EXT2: variants seen among roughly 807,000 people sequenced by gnomAD.
EXT2 encodes exostosin glycosyltransferase 2.
EXT2 carries 53 observed loss-of-function variants against 81.6 expected under a neutral mutation model. The observed-to-expected ratio is 0.65, with a 90% CI of 0.52 to 0.82. EXT2 has a LOEUF of 0.82. EXT2 is among the 40% of genes least tolerant of loss of function. The pLI is 0.00. For synonymous variants in EXT2, 320 were observed against 340.0 expected (o/e 0.94, Z 0.65); for missense variants, 774 against 910.2 (o/e 0.85, Z 1.93).
intron 7 of EXT2, among the ~76,000 whole-genome samples, chr11:44,151,767 G>A (rs181547622): frequency 1.2e-4 from 18 of 152,256 alleles, no homozygotes; most frequent in Admixed American, 5.2e-4. Flanking sequence ...GCAAGAATAC[G>A]TTTAGTTTTG....
In EXT2 at chr11:44,220,279, G is replaced by T. The variant is rs375518029; in HGVS notation, c.1663-12074G>T. ...AAACCATAATTTTTTTAGGCCTGTT[G>T]TGTACCCTGTTCTTTAAGTTGATGG... is the stretch of plus-strand genomic sequence containing the variant. On this transcript the variant is annotated intron_variant, in intron 10 of 13. Coordinates refer to ENST00000533608, the MANE Select transcript of EXT2 (RefSeq NM_207122.2). This position sits in a 1 kb window ranked among gnomAD's most constrained non-coding sequence, Gnocchi z 4.4. Among the ~76,000 whole-genome samples the T allele has an allele frequency of 4.6e-5, 7 of 152,208 alleles. No individual in the cohort carries two copies. The East Asian group carries it at 7.7e-4, about 17-fold the overall frequency.
At chr11:44,127,979 G>T (rs1401185446) in intron 6 of EXT2, among the ~76,000 whole-genome samples, 1 of 152,212 alleles carries the variant, frequency 6.6e-6, no homozygotes, top group Non-Finnish European at 1.5e-5. Flanking sequence ...AGATTTTGCA[G>T]GGTGAAGGTT....
chr11:44,187,449 T>C (rs10769021), intron 8 of EXT2, among the ~76,000 whole-genome samples: 139,062 of 152,066 alleles, frequency 0.91, 63,681 homozygotes, highest in East Asian at 0.99. Flanking sequence ...CCTCCCACCC[T>C]GGCAAGTTTC....
chr11:44,207,430 T>C (rs1362255617), intron 10 of EXT2, among the ~76,000 whole-genome samples: 1 of 152,182 alleles, frequency 6.6e-6, no homozygotes, highest in Non-Finnish European at 1.5e-5. Flanking sequence ...AAACATTCCC[T>C]ATCACCGTTT....
chr11:44,168,067 C>T (rs1322951579), intron 7 of EXT2, among the ~76,000 whole-genome samples: 2 of 149,810 alleles, frequency 1.3e-5, no homozygotes, highest in African/African-American at 4.9e-5. Context: ...TGAGAATATG[C>T]GGTGTTTGGT....
At chr11:44,167,108 A>G (rs1352800935) in intron 7 of EXT2, among the ~76,000 whole-genome samples, 3 of 152,180 alleles carry the variant, frequency 2.0e-5, no homozygotes, top group Admixed American at 6.5e-5. Flanking sequence ...ATCCAAGAGT[A>G]TGGGGTCCCA....
chr11:44,200,974 TG>T (rs1246790103), intron 9 of EXT2, among the ~76,000 whole-genome samples: 6 of 152,222 alleles, frequency 3.9e-5, no homozygotes, highest in Admixed American at 3.9e-4. Flanking sequence ...TCCTTTGAGC[TG>T]GACTAAAGCT....
At chr11:44,111,920 A>G (rs889973561) in intron 3 of EXT2, among the ~76,000 whole-genome samples, 2 of 152,240 alleles carry the variant, frequency 1.3e-5, no homozygotes, top group African/African-American at 2.4e-5. Context: ...TAATTTTTCC[A>G]TATCACCAAA....
At position 44,181,789 on chromosome 11, in the gene EXT2, A is replaced by G. The variant is rs117056122; in HGVS notation, c.1305+10047A>G. ...TTTGGTTTCTTTGAATTCCTTTTTC[A>G]GTTTTTGTTTGCTATTTTTCTTATT... On this transcript the variant is annotated intron_variant, in intron 8 of 13. Transcript: ENST00000533608. Among the ~76,000 whole-genome samples the G allele has an allele frequency of 4.8e-3, 719 of 151,352 alleles. 5 individuals carry two copies. Among genetic ancestry groups the G allele is most frequent in the East Asian group, 0.031 (159 of 5,132 alleles).
intron 1 of EXT2, among the ~76,000 whole-genome samples, chr11:44,100,018 G>A (rs913638191): frequency 2.0e-5 from 3 of 152,154 alleles, no homozygotes; most frequent in African/African-American, 7.2e-5. Context: ...CAGCCAGTGC[G>A]GGGTGGGCTT....
intron 5 of EXT2, 142 bp from the exon 6 acceptor site, chr11:44,126,674 G>A (rs1483809360): frequency 3.2e-6 from 3 of 940,670 alleles, no homozygotes; most frequent in African/African-American, 1.6e-5. Flanking sequence ...GGTGTGAGCT[G>A]TTGTCTTTTG....
intron 7 of EXT2, among the ~76,000 whole-genome samples, chr11:44,132,390 G>T (rs776833255): frequency 1.3e-5 from 2 of 152,208 alleles, no homozygotes; most frequent in African/African-American, 4.8e-5. Context: ...TTAAAACAGC[G>T]TACTTTTGGG....
At chr11:44,184,826 C>G (rs1326823610) in intron 8 of EXT2, among the ~76,000 whole-genome samples, 1 of 152,272 alleles carries the variant, frequency 6.6e-6, no homozygotes, top group African/African-American at 2.4e-5. Context: ...TGTCACTGAT[C>G]AGTTTTTTAA....
intron 8 of EXT2, among the ~76,000 whole-genome samples, chr11:44,182,930 T>G (rs1026887761): frequency 1.6e-4 from 25 of 152,342 alleles, no homozygotes; most frequent in African/African-American, 5.8e-4. Context: ...TTCTCAGTCT[T>G]TCTTTTTCTT....
At chr11:44,136,817 A>G (rs955840733) in intron 7 of EXT2, among the ~76,000 whole-genome samples, 2 of 152,102 alleles carry the variant, frequency 1.3e-5, no homozygotes, top group Admixed American at 1.3e-4. Flanking sequence ...TTGCCCTTAA[A>G]CAGTTACTGG....
At chr11:44,212,877 T>A (rs762109180) in intron 10 of EXT2, among the ~76,000 whole-genome samples, 27 of 152,100 alleles carry the variant, frequency 1.8e-4, no homozygotes, top group Admixed American at 9.2e-4. Context: ...TAGAAAAAAC[T>A]ACATTGCCAG....
rs1000640190 is a variant in EXT2 at position 44,108,208 on chromosome 11, C to G, written c.496C>G (p.Arg166Gly). ...SIDVLNQNTLRIKETAQAMAQ... is the reference protein window; with the variant it reads ...SIDVLNQNTLGIKETAQAMAQ... ...CGATGTGCTTAACCAGAACACACTG[C>G]GCATCAAGGAGACAGCACAAGCGAT... The change falls in exon 2 of 14, where the codon CGC becomes GGC. Residue 166 changes from arginine to glycine, a missense_variant. Arg to Gly is a moderately radical substitution (Grantham distance 125, BLOSUM62 -2). This residue lies in a region of EXT2 where 626 missense variants were observed against 670.5 expected (regional missense o/e 0.93). Transcript: ENST00000533608. 6.2e-7 allele frequency: 1 copy of G among 1,613,574 alleles called. No individual in the cohort carries two copies. The highest frequency in any genetic ancestry group is 8.5e-7 in the Non-Finnish European group (1 of 1,180,006).
intron 8 of EXT2, among the ~76,000 whole-genome samples, chr11:44,191,362 A>G (rs1468818892): frequency 1.3e-5 from 2 of 152,210 alleles, no homozygotes; most frequent in African/African-American, 4.8e-5. Flanking sequence ...CCTACCTTTG[A>G]GTGAACAGGT....
At chr11:44,125,280 C>T (rs1452542823) in intron 5 of EXT2, among the ~76,000 whole-genome samples, 1 of 152,142 alleles carries the variant, frequency 6.6e-6, no homozygotes, top group Non-Finnish European at 1.5e-5. Flanking sequence ...ACAAAGCAGG[C>T]AAATGTATCT....
Sources: gnomAD v4.1 joint callset for allele counts (sites outside exome capture counted in the v4.1 genomes callset) on GRCh38, gnomAD v4.1.1 for gene constraint, gnomAD v4.1.1 regional missense constraint, Gnocchi (gnomAD v3.1) non-coding constraint, MANE v1.5 for transcripts, NCBI Gene and HGNC (gene_info 2026-07-23, HGNC 2026-07-21) for gene names.